The following ERAP1 variants were observed in gnomAD, a reference collection of about 807,000 sequenced individuals.
ERAP1 encodes the protein endoplasmic reticulum aminopeptidase 1.
A neutral mutation model predicts 103.7 loss-of-function variants in ERAP1; 86 were observed. That is an observed-to-expected ratio of 0.83 (90% CI 0.70 to 0.99). The LOEUF (loss-of-function observed/expected upper bound fraction) is 0.99, where lower values mean the gene tolerates loss of function less well. Ranked by LOEUF, ERAP1 falls within the 50% of genes least tolerant of loss-of-function variation. The pLI is 0.00. For synonymous variants in ERAP1, 398 were observed against 402.4 expected, an observed-to-expected ratio of 0.99 and a Z score of 0.13; for missense variants, 1,009 against 1,128.4, an observed-to-expected ratio of 0.89 and a Z score of 1.52.
chr5:96,763,206 T>G, exon 20 of ERAP1: 3 of 780,796 alleles, frequency 3.8e-6, no homozygotes, highest in Non-Finnish European at 7.2e-6. Context: ...ATTTTCATCC[T>G]GTTGCGTCAG....
the ERAP1 span, among the ~76,000 whole-genome samples, chr5:96,853,405 G>T: frequency 6.6e-6 from 1 of 152,160 alleles, no homozygotes; most frequent in Non-Finnish European, 1.5e-5. Flanking sequence ...TTCCAGGACA[G>T]AGAGGCCAAA....
intron 19 of ERAP1, chr5:96,767,506 C>G: frequency 1.2e-6 from 2 of 1,601,960 alleles, no homozygotes; most frequent in Non-Finnish European, 1.7e-6. Flanking sequence ...GAACATATTT[C>G]CATTAAATTT....
chr5:96,929,140 G>C, the ERAP1 span, among the ~76,000 whole-genome samples: 3 of 152,152 alleles, frequency 2.0e-5, no homozygotes, highest in Admixed American at 6.5e-5. Context: ...CCCAAGTCAA[G>C]GGCCAAACAG....
the ERAP1 span, among the ~76,000 whole-genome samples, chr5:96,838,157 G>A: frequency 1.3e-5 from 2 of 152,146 alleles, no homozygotes; most frequent in African/African-American, 4.8e-5. Context: ...GCTTAAGGGT[G>A]GGGTCCTCGC....
At chr5:96,900,750 C>T in the ERAP1 span, among the ~76,000 whole-genome samples, 1 of 152,152 alleles carries the variant, frequency 6.6e-6, no homozygotes, top group Non-Finnish European at 1.5e-5. Flanking sequence ...AATCTCAGCT[C>T]ACTGCAACCT....
the ERAP1 span, chr5:96,909,709 A>T: frequency 6.2e-7 from 1 of 1,614,210 alleles, no homozygotes; most frequent in Non-Finnish European, 8.5e-7. Flanking sequence ...TGCTCCTTGC[A>T]TCCAGAAAGC....
chr5:96,879,934 C>G, the ERAP1 span: 1 of 1,614,176 alleles, frequency 6.2e-7, no homozygotes, highest in South Asian at 1.1e-5. Context: ...TCTTTGTCCA[C>G]CCCAATCTCA....
chr5:96,878,629 C>CA, the ERAP1 span, among the ~76,000 whole-genome samples: 177 of 151,258 alleles, frequency 1.2e-3, no homozygotes, highest in African/African-American at 4.1e-3. Context: ...CATTGTCTTT[C>CA]AAAAAAAATA....
Position 96,776,421 on chromosome 5 carries a change from T to C in ERAP1, c.2801A>G (p.Gln934Arg), listed in dbSNP as rs749371361. Residue 934 changes from glutamine to arginine, a missense_variant, in exon 19 of 19, where the codon CAA becomes CGA. By Grantham distance (43) the Gln-to-Arg change is conservative (BLOSUM62 1). Transcript: ENST00000443439. ...KNFDKIRVWL[Q>R]SEKLERM is the part of the protein sequence containing the mutation. ...TTACATACGTTCAAGCTTTTCACTT[T>C]GCAGCCACACTCTGATTTTATCAAA... is the stretch of plus-strand genomic sequence containing the variant. 1 of 1,612,906 alleles carries C rather than the reference T, an allele frequency of 6.2e-7. No homozygotes were observed. Among genetic ancestry groups the C allele is most frequent in the Non-Finnish European group, 8.5e-7 (1 of 1,179,594 alleles).
intron 6 of ERAP1, 69 bp from the exon 7 acceptor site, chr5:96,793,582 G>T: frequency 8.0e-7 from 1 of 1,251,722 alleles, no homozygotes; most frequent in Non-Finnish European, 1.2e-6. Flanking sequence ...TCCAATATAA[G>T]TTTATGAATG....
chr5:96,902,168 G>A, the ERAP1 span: 1 of 710,898 alleles, frequency 1.4e-6, no homozygotes, highest in South Asian at 1.8e-5. Flanking sequence ...GTAGTATGAA[G>A]GATGATGGGT....
intron 10 of ERAP1, among the ~76,000 whole-genome samples, chr5:96,789,592 T>C (rs1776494799): frequency 1.3e-5 from 2 of 151,856 alleles, no homozygotes; most frequent in Non-Finnish European, 2.9e-5. Flanking sequence ...AGTAAACATA[T>C]AAAAAGAAAA....
At position 96,762,999 on chromosome 5, in the gene ERAP1, T is replaced by G. The variant is rs1432307755; in HGVS notation, c.*201A>C. 3 of 637,014 alleles carry G rather than the reference T, an allele frequency of 4.7e-6. No homozygotes were observed. In the African/African-American group the frequency reaches 5.4e-5, roughly 12 times the overall value. The allele number at this position is 637,014 out of a possible 1,614,324, so 39.5% of individuals were successfully genotyped here. On this transcript the variant is annotated 3_prime_UTR_variant, in exon 20 of 20. Transcript: ENST00000296754. ...ACTAATCACCTGTGCAATACCAAAT[T>G]ATACATTACCAAGGAGACCACAGCA...
the ERAP1 span, among the ~76,000 whole-genome samples, chr5:96,931,111 G>T: frequency 6.6e-6 from 1 of 151,962 alleles, no homozygotes; most frequent in African/African-American, 2.4e-5. Flanking sequence ...CCCTACCTAG[G>T]ACACTCCACA....
At chr5:96,901,194 G>A in the ERAP1 span, among the ~76,000 whole-genome samples, 2 of 146,374 alleles carry the variant, frequency 1.4e-5, no homozygotes, top group East Asian at 4.1e-4. Flanking sequence ...GTTTGATTTT[G>A]TTTGTTTGCT....
At chr5:96,787,080 A>G (rs1776116708) in intron 11 of ERAP1, among the ~76,000 whole-genome samples, 2 of 152,248 alleles carry the variant, frequency 1.3e-5, no homozygotes, top group Non-Finnish European at 2.9e-5. Context: ...TGCAACAACT[A>G]AATAAAATAA....
chr5:96,923,563 G>A, the ERAP1 span, among the ~76,000 whole-genome samples: 4,893 of 151,570 alleles, frequency 0.032, 150 homozygotes, highest in South Asian at 0.088. Context: ...GCGCAGTGGC[G>A]GGCGCCCGTA....
the ERAP1 span, among the ~76,000 whole-genome samples, chr5:96,899,167 ATACTAAGGGACAGATTTGC>A: frequency 1.3e-5 from 2 of 152,228 alleles, no homozygotes; most frequent in Admixed American, 1.3e-4. Context: ...GAGAAAACTG[ATACTAAGGGACAGATTTGC>A]CCAAAGTCAC....
chr5:96,912,507 G>A, the ERAP1 span: 1 of 558,904 alleles, frequency 1.8e-6, no homozygotes, highest in South Asian at 3.0e-5. Context: ...GTTCGGCAGA[G>A]AAAAAGATTT....
Sources: gnomAD v4.1 joint callset for allele counts (sites outside exome capture counted in the v4.1 genomes callset) on GRCh38, gnomAD v4.1.1 for gene constraint, MANE v1.5 for transcripts, NCBI Gene and HGNC (gene_info 2026-07-23, HGNC 2026-07-21) for gene names.